PEX26: variants seen among roughly 807,000 people sequenced by gnomAD.
The protein encoded by PEX26 is peroxisome assembly protein 26.
In PEX26, 18 loss-of-function variants were observed where a neutral mutation model predicts 31.4. That is an observed-to-expected ratio of 0.57 (90% CI 0.40 to 0.85). The LOEUF is 0.85. PEX26 is among the 40% of genes least tolerant of loss of function. The pLI, the probability that PEX26 is intolerant of heterozygous loss-of-function variation, is 0.00. For missense variants in PEX26, 377 were observed against 383.9 expected (o/e 0.98, Z 0.15); for synonymous variants, 176 against 166.9 (o/e 1.05, Z -0.42).
chr22:18,078,454 C>T lies in PEX26; in HGVS notation c.78C>T (p.Arg26=), dbSNP rs1347168760. ...CCCTGCGCAGCAGCGAGCCGGTGCGCGCGGTCCCGGCCCGGGCGCCGGCCG... is the reference window on the plus strand; with the variant it reads ...CCCTGCGCAGCAGCGAGCCGGTGCGTGCGGTCCCGGCCCGGGCGCCGGCCG... ...GGPLRSSEPV[R]AVPARAPAVD... Residue 26 remains arginine (R), a synonymous_variant, in exon 1 of 5, where the codon CGC becomes CGT. Transcript: ENST00000399744. The T allele has an allele frequency of 2.5e-6, 4 of 1,578,010 alleles. No individual in the cohort carries two copies. The highest frequency in any genetic ancestry group is 2.6e-6 in the Non-Finnish European group (3 of 1,164,610).
chr22:18,103,214 A>G lies in PEX26; in HGVS notation c.*15139A>G, dbSNP rs1420304706. On this transcript the variant is annotated 3_prime_UTR_variant, in exon 5 of 5. Transcript: ENST00000399744. ...GATGAAGAGGTGGCTTGATGGACAC[A>G]AACATAGATAGAAGGAGTGAGTTCT... 1 of 152,034 alleles carries G rather than the reference A, an allele frequency of 6.6e-6. No homozygotes were observed. The highest frequency in any genetic ancestry group is 1.5e-5 in the Non-Finnish European group (1 of 68,042). The allele number at this position is 152,034 out of a possible 1,614,324, so 9.4% of individuals were successfully genotyped here.
chr22:18,098,518 A>C lies in PEX26; in HGVS notation c.*10443A>C, dbSNP rs1372634664. On this transcript the variant is annotated 3_prime_UTR_variant, in exon 5 of 5. Coordinates refer to ENST00000399744, the MANE Select transcript of PEX26 (RefSeq NM_001127649.3). Reference sequence around the variant, plus strand: ...ATGGTGCACACCTTTAATCCCAGCTACTCAGGAGGAGGCTGAGGCAGGAGA... The same window carrying C: ...ATGGTGCACACCTTTAATCCCAGCTCCTCAGGAGGAGGCTGAGGCAGGAGA... 6.6e-6 allele frequency: 1 copy of C among 151,544 alleles called. No homozygotes were observed. The highest frequency in any genetic ancestry group is 1.5e-5 in the Non-Finnish European group (1 of 67,924). 9.4% of individuals were successfully genotyped at this position (151,544 alleles called of 1,614,324 possible). A position where few individuals can be genotyped will look rare whatever the true frequency, so the allele number is the denominator to read the frequency against.
rs887499630 is a variant in PEX26 at position 18,098,900 on chromosome 22, A to C, written c.*10825A>C. On this transcript the variant is annotated 3_prime_UTR_variant, in exon 5 of 5. Transcript: ENST00000399744. Reference sequence around the variant, plus strand: ...TAGATATGGATGTTTGCATATAGGCACATTTAGCTGGATTAAGTTAGATTT... The same window carrying C: ...TAGATATGGATGTTTGCATATAGGCCCATTTAGCTGGATTAAGTTAGATTT... 6.6e-6 allele frequency: 1 copy of C among 152,196 alleles called. No individual in the cohort carries two copies. Among genetic ancestry groups the C allele is most frequent in the Non-Finnish European group, 1.5e-5 (1 of 68,036 alleles). 9.4% of individuals were successfully genotyped at this position (152,196 alleles called of 1,614,324 possible). A position where few individuals can be genotyped will look rare whatever the true frequency, so the allele number is the denominator to read the frequency against.
chr22:18,097,782 C>T lies in PEX26; in HGVS notation c.*9707C>T, dbSNP rs930576335. 6.6e-6 allele frequency: 1 copy of T among 152,074 alleles called. No homozygotes were observed. The highest frequency in any genetic ancestry group is 2.4e-5 in the African/African-American group (1 of 41,400). The allele number at this position is 152,074 out of a possible 1,614,324, so 9.4% of individuals were successfully genotyped here. On this transcript the variant is annotated 3_prime_UTR_variant, in exon 5 of 5. Coordinates refer to ENST00000399744, the MANE Select transcript of PEX26 (RefSeq NM_001127649.3). ...TGGTGTTGAACTTGCCTCAAGTGAT[C>T]CTCCCATCTTGACCTCCCAAAGTGC...
Position 18,088,134 on chromosome 22 carries a change from G to A in PEX26, c.*59G>A, listed in dbSNP as rs765835331. The A allele has an allele frequency of 1.1e-5, 13 of 1,131,832 alleles. No homozygotes were observed. The highest frequency in any genetic ancestry group is 4.9e-5 in the South Asian group (4 of 81,796). The allele number at this position is 1,131,832 out of a possible 1,614,324, so 70.1% of individuals were successfully genotyped here. On this transcript the variant is annotated 3_prime_UTR_variant, in exon 5 of 5. Coordinates refer to ENST00000399744, the MANE Select transcript of PEX26 (RefSeq NM_001127649.3). This position sits in a 1 kb window ranked among gnomAD's most constrained non-coding sequence, Gnocchi z 4.1. ...ACGTCCGTGGCCACAGAAGCAGAGC[G>A]ACAGAGCGACACATCCACAGGCGCC...
intron 3 of PEX26, among the ~76,000 whole-genome samples, chr22:18,084,237 C>CTTTTTTTTTTTTTTTTTTTTTTTTTTTTT (rs362041): frequency 1.0e-5 from 1 of 95,320 alleles, no homozygotes; most frequent in Non-Finnish European, 2.1e-5. Flanking sequence ...ATCTCTCTCT[C>CTTTTTTTTTTTTTTTTTTTTTTTTTTTTT]TTTTTTTTTT....
At chr22:18,087,056 G>T (rs774910505) in intron 4 of PEX26, among the ~76,000 whole-genome samples, 10 of 151,958 alleles carry the variant, frequency 6.6e-5, no homozygotes, top group Non-Finnish European at 1.2e-4. Context: ...GGGACTACAG[G>T]CATGTGCCTC....
chr22:18,079,092 T>TG (rs1926441686), intron 1 of PEX26: 1 of 387,238 alleles, frequency 2.6e-6, no homozygotes, highest in Non-Finnish European at 3.5e-6. Flanking sequence ...CCCAGCACTT[T>TG]GGGAGGCCGA....
rs1927380810 is a variant in PEX26 at position 18,099,141 on chromosome 22, G to T, written c.*11066G>T. The T allele has an allele frequency of 6.6e-6, 1 of 152,252 alleles. No individual in the cohort carries two copies. The highest frequency in any genetic ancestry group is 2.4e-5 in the African/African-American group (1 of 41,462). The allele number at this position is 152,252 out of a possible 1,614,324, so 9.4% of individuals were successfully genotyped here. On this transcript the variant is annotated 3_prime_UTR_variant, in exon 5 of 5. Coordinates refer to ENST00000399744, the MANE Select transcript of PEX26 (RefSeq NM_001127649.3). ...AATGTTCTGTATGTCTGAAGACAAA[G>T]TCTGGAGATTGGTGGGCCAGAAGGT...
chr22:18,082,875 A>G (rs1926672081), intron 2 of PEX26, among the ~76,000 whole-genome samples: 1 of 152,222 alleles, frequency 6.6e-6, no homozygotes, highest in Non-Finnish European at 1.5e-5. Context: ...TCTTTCATCA[A>G]TGTTTTATAG....
At chr22:18,079,229 T>G in intron 1 of PEX26, 1 of 985,402 alleles carries the variant, frequency 1.0e-6, no homozygotes, top group Non-Finnish European at 1.2e-6. Flanking sequence ...GCATTGCTCT[T>G]TCTAATGCCA....
rs1926988766 is a variant in PEX26 at position 18,089,504 on chromosome 22, GA to G, written c.*1431del. The G allele has an allele frequency of 6.6e-6, 1 of 152,370 alleles. No individual in the cohort carries two copies. The highest frequency in any genetic ancestry group is 2.1e-4 in the South Asian group (1 of 4,836). 9.4% of individuals were successfully genotyped at this position (152,370 alleles called of 1,614,324 possible). The stretch of plus-strand genomic sequence containing the variant: ...AGCATCTTATGAGTTTCTGTGCAAG[GA>G]AGCGTAGAGCACTGCTGTGCTGTCA... On this transcript the variant is annotated 3_prime_UTR_variant, in exon 5 of 5. Coordinates refer to ENST00000399744, the MANE Select transcript of PEX26 (RefSeq NM_001127649.3).
rs1414399869 is a variant in PEX26 at position 18,091,191 on chromosome 22, T to C, written c.*3116T>C. 6.6e-6 allele frequency: 1 copy of C among 152,222 alleles called. No homozygotes were observed. Among genetic ancestry groups the C allele is most frequent in the Non-Finnish European group, 1.5e-5 (1 of 68,066 alleles). The allele number at this position is 152,222 out of a possible 1,614,324, so 9.4% of individuals were successfully genotyped here. On this transcript the variant is annotated 3_prime_UTR_variant, in exon 5 of 5. Transcript: ENST00000399744. Reference sequence around the variant, plus strand: ...TAATACAGTCTTTCTACTCCCGCTCTCTATTCCCCAGTTTCTTGCCCAGAG... The same window carrying C: ...TAATACAGTCTTTCTACTCCCGCTCCCTATTCCCCAGTTTCTTGCCCAGAG...
chr22:18,086,765 A>G (rs1926857933), intron 4 of PEX26, among the ~76,000 whole-genome samples: 2 of 152,206 alleles, frequency 1.3e-5, no homozygotes, highest in South Asian at 2.1e-4. Flanking sequence ...AGAAACCCTT[A>G]TACTGGTCCC....
intron 3 of PEX26, 99 bp from the exon 4 acceptor site, chr22:18,085,013 G>A (rs1926781359): frequency 9.8e-6 from 13 of 1,319,988 alleles, no homozygotes; most frequent in Admixed American, 1.8e-5. Context: ...GAGCCACTGC[G>A]CCTGGCCTGC....
rs1243425735 is a variant in PEX26, at chr22:18,092,196, G to C, written c.*4121G>C. ...AGATGGGGCCTGTGGGAATTCTACT[G>C]ATTTACTCTCTGGCCTAGTCAAGCA... On this transcript the variant is annotated 3_prime_UTR_variant, in exon 5 of 5. Transcript: ENST00000399744. 6.6e-6 allele frequency: 1 copy of C among 152,304 alleles called. No individual in the cohort carries two copies. The highest frequency in any genetic ancestry group is 2.4e-5 in the African/African-American group (1 of 41,470). 9.4% of individuals were successfully genotyped at this position (152,304 alleles called of 1,614,324 possible).
Position 18,092,874 on chromosome 22 carries a change from G to GA in PEX26, c.*4806dup, listed in dbSNP as rs368441548. The GA allele has an allele frequency of 6.9e-6, 1 of 144,400 alleles. No homozygotes were observed. Among genetic ancestry groups the GA allele is most frequent in the Non-Finnish European group, 1.5e-5 (1 of 65,970 alleles). 8.9% of individuals were successfully genotyped at this position (144,400 alleles called of 1,614,324 possible). On this transcript the variant is annotated 3_prime_UTR_variant, in exon 5 of 5. Transcript: ENST00000399744. ...CTTTTATAAAGCCAATTTTAAACAA[G>GA]AAAAAAACAAAAAGTTTACAAAAGA...
intron 2 of PEX26, among the ~76,000 whole-genome samples, chr22:18,080,585 A>C (rs182485905): frequency 7.9e-5 from 12 of 152,282 alleles, no homozygotes; most frequent in African/African-American, 2.9e-4. Context: ...CTGCCTCGGC[A>C]TCCCAAAGTG....
chr22:18,078,453 G>A lies in PEX26; in HGVS notation c.77G>A (p.Arg26His), dbSNP rs770555305. The change falls in exon 1 of 5, where the codon CGC becomes CAC. Residue 26 changes from arginine (R) to histidine (H), a missense_variant. By Grantham distance (29) the Arg-to-His change is conservative. Transcript: ENST00000399744. ...GGPLRSSEPV[R>H]AVPARAPAVD... ...CCCCTGCGCAGCAGCGAGCCGGTGC[G>A]CGCGGTCCCGGCCCGGGCGCCGGCC... The A allele has an allele frequency of 2.0e-5, 31 of 1,577,770 alleles. No homozygotes were observed. The African/African-American group carries it at 3.9e-4, about 20-fold the overall frequency.
Sources: allele counts gnomAD v4.1 joint callset (sites outside exome capture counted in the v4.1 genomes callset), GRCh38; gene constraint gnomAD v4.1.1; non-coding constraint Gnocchi (gnomAD v3.1); transcripts MANE v1.5; gene names NCBI Gene and HGNC (gene_info 2026-07-23, HGNC 2026-07-21).